The following CBX5 variants were observed in gnomAD, a reference collection of about 807,000 sequenced individuals.
The protein encoded by CBX5 is chromobox 5.
Under a neutral mutation model 20.7 loss-of-function variants are expected in CBX5, and 7 were observed. That is an observed-to-expected ratio of 0.34 (90% CI 0.19 to 0.63). The LOEUF (loss-of-function observed/expected upper bound fraction) is 0.63. CBX5 is among the 30% of genes least tolerant of loss of function. CBX5 has a pLI of 0.75. For synonymous variants in CBX5, 78 were observed against 77.0 expected, an observed-to-expected ratio of 1.01 and a Z score of -0.07; for missense variants, 110 against 224.1, an observed-to-expected ratio of 0.49 and a Z score of 3.25.
At chr12:54,276,160 A>C (rs1944064983) in intron 1 of CBX5, among the ~76,000 whole-genome samples, 1 of 152,034 alleles carries the variant, frequency 6.6e-6, no homozygotes, top group African/African-American at 2.4e-5. Flanking sequence ...TCAAAGTAAA[A>C]CACATGAGTA....
intron 1 of CBX5, chr12:54,278,878 G>A (rs908542455): frequency 2.6e-5 from 4 of 152,048 alleles, no homozygotes; most frequent in Non-Finnish European, 5.9e-5. Context: ...ATGGTGTAAA[G>A]AAAAGAAATA....
rs147023913 is a variant in CBX5, at chr12:54,237,012, G to A, written c.*4743C>T. 16 of 152,326 alleles carry A rather than the reference G, an allele frequency of 1.1e-4. No individual in the cohort carries two copies. The East Asian group carries it at 3.1e-3, about 29-fold the overall frequency. The allele number at this position is 152,326 out of a possible 1,614,324, so 9.4% of individuals were successfully genotyped here. The stretch of plus-strand genomic sequence containing the variant: ...GAATAATAAATGCCTAAGTTACAGG[G>A]ACAGAACCAATCTTTCATTAATGAC... On this transcript the variant is annotated 3_prime_UTR_variant, in exon 5 of 5. Coordinates refer to ENST00000209875, the MANE Select transcript of CBX5 (RefSeq NM_012117.3).
chr12:54,266,137 G>A (rs868858152), intron 1 of CBX5, among the ~76,000 whole-genome samples: 4 of 150,758 alleles, frequency 2.7e-5, no homozygotes, highest in Admixed American at 6.6e-5. Flanking sequence ...GGCTGCGTGC[G>A]GTGGCTCACC....
chr12:54,258,167 TAGC>T (rs1229700371), intron 1 of CBX5: 2 of 152,664 alleles, frequency 1.3e-5, no homozygotes, highest in Non-Finnish European at 2.9e-5. Flanking sequence ...CCCAGTCTCT[TAGC>T]AGCACACAAA....
chr12:54,264,067 C>T (rs1943938170), intron 1 of CBX5, among the ~76,000 whole-genome samples: 1 of 152,158 alleles, frequency 6.6e-6, no homozygotes, highest in Non-Finnish European at 1.5e-5. Flanking sequence ...TAATGGTTAG[C>T]CCTCAGCATT....
At chr12:54,277,029 G>C (rs941807776) in intron 1 of CBX5, 1 of 152,182 alleles carries the variant, frequency 6.6e-6, no homozygotes, top group African/African-American at 2.4e-5. Context: ...GCAGCAAAAA[G>C]TGGTAAAAAC....
chr12:54,273,035 T>A (rs534707905), intron 1 of CBX5: 31 of 152,282 alleles, frequency 2.0e-4, no homozygotes, highest in African/African-American at 7.0e-4. Context: ...TCTATTTGGG[T>A]AGAGGTTAGG....
intron 4 of CBX5, among the ~76,000 whole-genome samples, chr12:54,245,349 A>G (rs1241068003): frequency 6.6e-6 from 1 of 151,784 alleles, no homozygotes; most frequent in Non-Finnish European, 1.5e-5. Context: ...TTTTTTTCTG[A>G]TATGTAGTAC....
chr12:54,250,433 T>C (rs1040004241), intron 3 of CBX5, among the ~76,000 whole-genome samples: 3 of 151,706 alleles, frequency 2.0e-5, no homozygotes, highest in Middle Eastern at 3.4e-3. Context: ...AAATAAAATA[T>C]TTAATTGTAT....
In CBX5 at chr12:54,257,011, C is replaced by G. The variant is rs547485765; in HGVS notation, c.137+503G>C. Among the ~76,000 whole-genome samples, 4 of 152,262 alleles carry G rather than the reference C, an allele frequency of 2.6e-5. No individual in the cohort carries two copies. The East Asian group carries it at 7.7e-4, about 29-fold the overall frequency. On this transcript the variant is annotated intron_variant, in intron 2 of 4. Transcript: ENST00000209875. ...CTGGAGTAGCTGGGATTACAGGGAC[C>G]TGCCACCACACTTAATTTTTTTATT...
rs779227327 is a variant in CBX5 at position 54,245,862 on chromosome 12, C to CA, written c.425+252dup. Among the ~76,000 whole-genome samples, 18 of 152,150 alleles carry CA rather than the reference C, an allele frequency of 1.2e-4. No individual in the cohort carries two copies. The East Asian group carries it at 1.4e-3, about 11-fold the overall frequency. ...GCATGGTGGCGGGCACCTGTCATCC[C>CA]AGGTACTCGGGAGGCTGAGACAGGA... On this transcript the variant is annotated intron_variant, in intron 4 of 4. Coordinates refer to ENST00000209875, the MANE Select transcript of CBX5 (RefSeq NM_012117.3).
chr12:54,252,295 G>T, intron 2 of CBX5, 68 bp from the exon 3 acceptor site: 1 of 1,120,850 alleles, frequency 8.9e-7, no homozygotes. Flanking sequence ...AAAATCCAAT[G>T]CCTTATTTCA....
chr12:54,274,158 C>CA (rs1265536871), intron 1 of CBX5: 1 of 152,208 alleles, frequency 6.6e-6, no homozygotes, highest in Non-Finnish European at 1.5e-5. Context: ...TAAACATAGG[C>CA]AGCAGTTGTC....
At chr12:54,260,408 C>T (rs927066833) in intron 1 of CBX5, among the ~76,000 whole-genome samples, 5 of 152,120 alleles carry the variant, frequency 3.3e-5, no homozygotes, top group Admixed American at 1.3e-4. Flanking sequence ...GAGGAGAAAT[C>T]GCTTGAACCC....
rs1489409699 is a variant in CBX5, at chr12:54,239,970, T to A, written c.*1785A>T. 2 of 152,208 alleles carry A rather than the reference T, an allele frequency of 1.3e-5. No individual in the cohort carries two copies. Among genetic ancestry groups the A allele is most frequent in the African/African-American group, 4.8e-5 (2 of 41,462 alleles). The allele number at this position is 152,208 out of a possible 1,614,324, so 9.4% of individuals were successfully genotyped here. A position where few individuals can be genotyped will look rare whatever the true frequency, so the allele number is the denominator to read the frequency against. ...TGGAGCAATCCATCCATTCCCCTCATTACTCTGAATAATCTAGAAATGGTA... is the reference window on the plus strand; with the variant it reads ...TGGAGCAATCCATCCATTCCCCTCAATACTCTGAATAATCTAGAAATGGTA... On this transcript the variant is annotated 3_prime_UTR_variant, in exon 5 of 5. Transcript: ENST00000209875.
intron 1 of CBX5, among the ~76,000 whole-genome samples, chr12:54,278,482 T>C (rs1271931307): frequency 6.6e-6 from 1 of 152,218 alleles, no homozygotes; most frequent in Non-Finnish European, 1.5e-5. Context: ...GCTATTAAAA[T>C]CGTCTGTCTT....
At chr12:54,244,584 A>C (rs1943714079) in intron 4 of CBX5, among the ~76,000 whole-genome samples, 1 of 151,886 alleles carries the variant, frequency 6.6e-6, no homozygotes, top group Admixed American at 6.6e-5. Flanking sequence ...CTAAAAACAC[A>C]AAAATTAGCC....
In CBX5 at chr12:54,234,104, G is replaced by A. The variant is rs1389378900; in HGVS notation, c.*7651C>T. On this transcript the variant is annotated 3_prime_UTR_variant, in exon 5 of 5. Transcript: ENST00000209875. ...CTGAGGCAGAGAACTGCTTGAACCC[G>A]GGAGGCGGAGGTTGCAGTGAGCCAA... is the stretch of plus-strand genomic sequence containing the variant. The A allele has an allele frequency of 1.4e-5, 2 of 146,524 alleles. No homozygotes were observed. Among genetic ancestry groups the A allele is most frequent in the East Asian group, 2.0e-4 (1 of 5,102 alleles). 9.1% of individuals were successfully genotyped at this position (146,524 alleles called of 1,614,324 possible).
At chr12:54,244,611 G>A (rs1342604465) in intron 4 of CBX5, among the ~76,000 whole-genome samples, 2 of 151,858 alleles carry the variant, frequency 1.3e-5, no homozygotes, top group Admixed American at 6.6e-5. Context: ...GGTGGTAGGC[G>A]CCTGTAATCC....
Sources: allele counts gnomAD v4.1 joint callset (sites outside exome capture counted in the v4.1 genomes callset), GRCh38; gene constraint gnomAD v4.1.1; transcripts MANE v1.5; gene names NCBI Gene and HGNC (gene_info 2026-07-23, HGNC 2026-07-21).